Variants in C5orf58 observed in about 807,000 individuals in gnomAD.
The protein encoded by C5orf58 is chromosome 5 open reading frame 58, also known as putative uncharacterized protein C5orf58.
A neutral mutation model predicts 2.9 loss-of-function variants in C5orf58; 2 were observed. That is an observed-to-expected ratio of 0.69 (90% CI 0.28 to 2.18). C5orf58 has a LOEUF of 2.18. Ranked by LOEUF, C5orf58 falls within the 30% of genes most tolerant of loss-of-function variation. The pLI is 0.13. For synonymous variants in C5orf58, 37 were observed against 33.4 expected, an observed-to-expected ratio of 1.11 and a Z score of -0.37; for missense variants, 96 against 91.7, an observed-to-expected ratio of 1.05 and a Z score of -0.19.
At chr5:170,234,059 G>A (rs943870855) in intron 1 of C5orf58, 56 bp from the exon 2 acceptor site, 11 of 1,040,196 alleles carry the variant, frequency 1.1e-5, no homozygotes, top group African/African-American at 3.3e-5. Context: ...CTGGAGAATG[G>A]GGTCTTGGGG....
intron 2 of C5orf58, 146 bp downstream of exon 2, chr5:170,234,344 C>A: frequency 2.5e-6 from 1 of 405,880 alleles, no homozygotes. Flanking sequence ...TTCTAGTGAA[C>A]CACCTCTCTG....
rs1018915263 is a variant in C5orf58, at chr5:170,246,043, G to T, written c.176G>T (p.Arg59Ile). The T allele has an allele frequency of 6.2e-7, 1 of 1,613,558 alleles. No homozygotes were observed. The highest frequency in any genetic ancestry group is 8.5e-7 in the Non-Finnish European group (1 of 1,179,694). Reference protein sequence around the residue: ...IKTENLAEAERNNPLFEESKI... With the variant: ...IKTENLAEAEINNPLFEESKI... ...ACTGAGAACTTAGCAGAAGCAGAAA[G>T]AAACAACCCCCTCTTTGAAGAGTCT... The change falls in exon 4 of 4, where the codon AGA (arginine) becomes ATA (isoleucine). Residue 59 changes from arginine to isoleucine, a missense_variant. Physicochemically the swap from Arg to Ile is moderately conservative, Grantham distance 97. Transcript: ENST00000593851.
At chr5:170,236,025 C>T (rs566263501) in intron 3 of C5orf58, among the ~76,000 whole-genome samples, 2 of 152,086 alleles carry the variant, frequency 1.3e-5, no homozygotes, top group Admixed American at 6.5e-5. Flanking sequence ...TAGACAGTCT[C>T]TTTTTATAAG....
intron 2 of C5orf58, 39 bp downstream of exon 2, chr5:170,234,237 C>T: frequency 8.2e-7 from 1 of 1,213,740 alleles, no homozygotes; most frequent in Non-Finnish European, 1.1e-6. Flanking sequence ...GCAGCTTGAC[C>T]CATGACTGCC....
At chr5:170,250,587 C>T (rs1581055107), downstream of C5orf58, 5 of 656,340 alleles carry the variant, frequency 7.6e-6, no homozygotes, top group East Asian at 2.7e-5. Context: ...CTTTATTTCT[C>T]TTCCAATAAA....
chr5:170,246,034 A>T lies in C5orf58; in HGVS notation c.167A>T (p.Glu56Val). ...NHPIKTENLA[E>V]AERNNPLFEE... Reference sequence around the variant, plus strand: ...CCCATCAAGACTGAGAACTTAGCAGAAGCAGAAAGAAACAACCCCCTCTTT... The same window carrying T: ...CCCATCAAGACTGAGAACTTAGCAGTAGCAGAAAGAAACAACCCCCTCTTT... The change falls in exon 4 of 4, where the codon GAA (glutamate) becomes GTA (valine). Residue 56 changes from glutamate to valine, a missense_variant. By Grantham distance (121) the Glu-to-Val change is moderately radical. Transcript: ENST00000593851. 6.2e-7 allele frequency: 1 copy of T among 1,613,718 alleles called. No homozygotes were observed. The highest frequency in any genetic ancestry group is 1.6e-4 in the Middle Eastern group (1 of 6,062).
chr5:170,249,876 G>T (rs1316796300), downstream of C5orf58, among the ~76,000 whole-genome samples: 3 of 152,218 alleles, frequency 2.0e-5, no homozygotes, highest in Admixed American at 6.5e-5. Flanking sequence ...TGGTTGGTCT[G>T]CACTTGTGTG....
chr5:170,238,499 TAGAA>T (rs1760835406), intron 3 of C5orf58, among the ~76,000 whole-genome samples: 2 of 152,032 alleles, frequency 1.3e-5, no homozygotes, highest in Non-Finnish European at 2.9e-5. Flanking sequence ...ATAAGAGTGT[TAGAA>T]AGAGAGAACA....
chr5:170,237,367 T>A (rs747585404), intron 3 of C5orf58: 3 of 398,248 alleles, frequency 7.5e-6, no homozygotes, highest in Non-Finnish European at 1.3e-5. Context: ...TCCTATGAGG[T>A]AGGAACTATT....
chr5:170,234,401 A>G (rs114397186), intron 2 of C5orf58, among the ~76,000 whole-genome samples: 4,568 of 152,326 alleles, frequency 0.03, 179 homozygotes, highest in African/African-American at 0.09. Flanking sequence ...ACTGTATAAC[A>G]TAGGAATGCG....
At chr5:170,237,980 G>A (rs1198664510) in intron 3 of C5orf58, among the ~76,000 whole-genome samples, 1 of 152,072 alleles carries the variant, frequency 6.6e-6, no homozygotes, top group Non-Finnish European at 1.5e-5. Flanking sequence ...AATCTGACCA[G>A]CCTAAGATAA....
intron 2 of C5orf58, among the ~76,000 whole-genome samples, chr5:170,234,773 A>C (rs1382445103): frequency 6.6e-6 from 1 of 152,258 alleles, no homozygotes; most frequent in East Asian, 1.9e-4. Context: ...CTCATCCTAC[A>C]AATTCCAGTT....
chr5:170,240,537 C>CA (rs1446476729), intron 3 of C5orf58, among the ~76,000 whole-genome samples: 3 of 151,990 alleles, frequency 2.0e-5, no homozygotes, highest in Non-Finnish European at 4.4e-5. Context: ...TGATGATGAG[C>CA]ATTTTTTCAT....
downstream of C5orf58, chr5:170,252,470 T>C: frequency 1.3e-6 from 2 of 1,589,302 alleles, no homozygotes; most frequent in Non-Finnish European, 1.7e-6. Flanking sequence ...CTGCCTCTGG[T>C]CGGGTAATAT....
intron 3 of C5orf58, among the ~76,000 whole-genome samples, chr5:170,239,552 G>A (rs1219842537): frequency 1.3e-5 from 2 of 151,976 alleles, no homozygotes; most frequent in African/African-American, 4.8e-5. Context: ...TAAAATGGTT[G>A]CCTCTGGGAG....
At chr5:170,233,701 A>G in intron 1 of C5orf58, 1 of 167,362 alleles carries the variant, frequency 6.0e-6, no homozygotes, top group Non-Finnish European at 1.3e-5. Flanking sequence ...CTGTTGGAGC[A>G]GCCTCTCCTT....
chr5:170,251,501 A>G (rs1761442032), intron 2 of C5orf58: 1 of 315,434 alleles, frequency 3.2e-6, no homozygotes, highest in South Asian at 2.7e-5. Flanking sequence ...GCTACATAAT[A>G]TTAATACTGT....
chr5:170,246,080 T>C lies in C5orf58; in HGVS notation c.213T>C (p.Asp71=), dbSNP rs755558525. ...NPLFEESKIS[D]VSLVSNSFSI ...TCTTTGAAGAGTCTAAAATATCAGA[T>C]GTATCCCTTGTTTCTAACAGTTTTT... is the stretch of plus-strand genomic sequence containing the variant. Residue 71 remains aspartate (D), a synonymous_variant, in exon 4 of 4, where the codon GAT becomes GAC. Coordinates refer to ENST00000593851, the MANE Select transcript of C5orf58 (RefSeq NM_001102609.3). 6.2e-7 allele frequency: 1 copy of C among 1,612,756 alleles called. No individual in the cohort carries two copies. Among genetic ancestry groups the C allele is most frequent in the African/African-American group, 1.3e-5 (1 of 74,892 alleles).
At chr5:170,249,029 G>T (rs1476948518), downstream of C5orf58, among the ~76,000 whole-genome samples, 1 of 152,106 alleles carries the variant, frequency 6.6e-6, no homozygotes, top group African/African-American at 2.4e-5. Context: ...CATAGATAAA[G>T]ATAAAATATG....
Sources: gnomAD v4.1 joint callset for allele counts (sites outside exome capture counted in the v4.1 genomes callset) on GRCh38, gnomAD v4.1.1 for gene constraint, MANE v1.5 for transcripts, NCBI Gene and HGNC (gene_info 2026-07-23, HGNC 2026-07-21) for gene names.